Variants in TRAPPC9 observed in about 807,000 individuals in gnomAD.
The protein encoded by TRAPPC9 is trafficking protein particle complex subunit 9.
In TRAPPC9, 83 loss-of-function variants were observed where a neutral mutation model predicts 124.0. That is an observed-to-expected ratio of 0.67 (90% CI 0.56 to 0.80). The LOEUF (loss-of-function observed/expected upper bound fraction) is 0.80, where lower values mean the gene tolerates loss of function less well. Among genes scored for constraint, TRAPPC9 ranks in the 30% least tolerant of loss-of-function variants. TRAPPC9 has a pLI of 0.00. For synonymous variants in TRAPPC9, 638 were observed against 617.5 expected (o/e 1.03, Z -0.49); for missense variants, 1,302 against 1,508.3 (o/e 0.86, Z 2.27).
chr8:140,271,547 T>C (rs1373931671), intron 15 of TRAPPC9, among the ~76,000 whole-genome samples: 1 of 151,354 alleles, frequency 6.6e-6, no homozygotes, highest in Non-Finnish European at 1.5e-5. Context: ...GAAACAGAGA[T>C]AGAGACAGAG....
intron 7 of TRAPPC9, among the ~76,000 whole-genome samples, chr8:140,396,815 T>A (rs2069110212): frequency 6.6e-6 from 1 of 152,126 alleles, no homozygotes; most frequent in Non-Finnish European, 1.5e-5. Context: ...CTAAGTTAAA[T>A]CCTTTTGCCA....
At chr8:139,912,934 G>GA (rs1831844244) in intron 19 of TRAPPC9, among the ~76,000 whole-genome samples, 3 of 152,174 alleles carry the variant, frequency 2.0e-5, no homozygotes, top group Non-Finnish European at 4.4e-5. Context: ...TAAGTTTCAT[G>GA]AAAAAGGCCA....
intron 21 of TRAPPC9, among the ~76,000 whole-genome samples, chr8:139,752,154 T>C (rs1377959670): frequency 6.7e-6 from 1 of 149,066 alleles, no homozygotes; most frequent in Non-Finnish European, 1.5e-5. Context: ...TCCATCTATA[T>C]ACCATCCATC....
intron 21 of TRAPPC9, among the ~76,000 whole-genome samples, chr8:139,751,391 C>T (rs1166223174): frequency 5.3e-5 from 8 of 152,176 alleles, no homozygotes; most frequent in Non-Finnish European, 1.2e-4. Context: ...CCAGATCACC[C>T]CTGCATATCC....
At chr8:139,884,146 G>C (rs192027388) in intron 21 of TRAPPC9, among the ~76,000 whole-genome samples, 1 of 152,220 alleles carries the variant, frequency 6.6e-6, no homozygotes, top group East Asian at 1.9e-4. Flanking sequence ...TCTCTGTCCT[G>C]TGCCTCTCCA....
chr8:140,061,146 C>A (rs900237964), intron 17 of TRAPPC9, among the ~76,000 whole-genome samples: 5 of 152,192 alleles, frequency 3.3e-5, no homozygotes, highest in African/African-American at 1.2e-4. Flanking sequence ...TCTGTAGGCA[C>A]TGGGGAGCCA....
chr8:139,855,617 C>T (rs1303519853), intron 21 of TRAPPC9, among the ~76,000 whole-genome samples: 3 of 152,238 alleles, frequency 2.0e-5, no homozygotes, highest in Admixed American at 6.5e-5. Context: ...CCCCTGTTTA[C>T]GCTCTTCAGG....
In TRAPPC9 at chr8:140,241,434, C is replaced by T. The variant is rs2063853253; in HGVS notation, c.2431+11343G>A. ...AAATTGGGCCAGGCGCGGTGGCACCCGCCTGTAATCCCAGCACTTTGGGAG... is the reference window on the plus strand; with the variant it reads ...AAATTGGGCCAGGCGCGGTGGCACCTGCCTGTAATCCCAGCACTTTGGGAG... On this transcript the variant is annotated intron_variant, in intron 16 of 22. Transcript: ENST00000438773. This position sits in a 1 kb window ranked among gnomAD's most constrained non-coding sequence, Gnocchi z 5.0. Among the ~76,000 whole-genome samples the T allele has an allele frequency of 6.6e-6, 1 of 151,134 alleles. No individual in the cohort carries two copies. The highest frequency in any genetic ancestry group is 2.4e-5 in the African/African-American group (1 of 41,008).
chr8:139,934,445 C>G (rs7824471), intron 19 of TRAPPC9, among the ~76,000 whole-genome samples: 46,062 of 152,092 alleles, frequency 0.3, 8,394 homozygotes, highest in African/African-American at 0.5. Context: ...AATGGAAAAC[C>G]TGGGCTCTTG....
chr8:140,272,150 G>GCGA (rs1345080552), intron 15 of TRAPPC9, among the ~76,000 whole-genome samples: 1 of 62,154 alleles, frequency 1.6e-5, no homozygotes, highest in Non-Finnish European at 3.3e-5. Flanking sequence ...GGTGATGGTG[G>GCGA]TAGCAGTGAT....
intron 19 of TRAPPC9, among the ~76,000 whole-genome samples, chr8:139,950,446 T>C (rs1834562646): frequency 6.6e-6 from 1 of 152,228 alleles, no homozygotes; most frequent in Admixed American, 6.5e-5. Flanking sequence ...CAGAGTGGTA[T>C]TGCTGATTTC....
chr8:140,424,855 G>A (rs551842339), intron 5 of TRAPPC9, among the ~76,000 whole-genome samples: 1 of 152,136 alleles, frequency 6.6e-6, no homozygotes, highest in South Asian at 2.1e-4. Flanking sequence ...TGAGGAAAGC[G>A]GGTAGGAAAA....
intron 17 of TRAPPC9, among the ~76,000 whole-genome samples, chr8:140,034,509 A>C (rs1220293938): frequency 6.6e-6 from 1 of 152,210 alleles, no homozygotes; most frequent in Non-Finnish European, 1.5e-5. Flanking sequence ...ACCACGCTGC[A>C]GCACAAGTGC....
chr8:139,778,665 G>T (rs745409485), intron 21 of TRAPPC9, among the ~76,000 whole-genome samples: 1 of 152,244 alleles, frequency 6.6e-6, no homozygotes, highest in East Asian at 1.9e-4. Context: ...TAACAGATTA[G>T]ACCTTGCAGA....
chr8:140,397,859 G>T (rs779962049), intron 6 of TRAPPC9, 114 bp from the exon 7 acceptor site: 3 of 1,376,930 alleles, frequency 2.2e-6, no homozygotes, highest in Non-Finnish European at 3.1e-6. Context: ...CCCCATCACA[G>T]GGCTCCAGAT....
chr8:140,023,701 T>C (rs1225662078), intron 18 of TRAPPC9, among the ~76,000 whole-genome samples: 2 of 152,224 alleles, frequency 1.3e-5, no homozygotes, highest in African/African-American at 2.4e-5. Context: ...ATCAGCGTTA[T>C]GATTACAGCA....
At chr8:140,431,066 T>C (rs1385493951) in intron 4 of TRAPPC9, among the ~76,000 whole-genome samples, 1 of 152,210 alleles carries the variant, frequency 6.6e-6, no homozygotes, top group Non-Finnish European at 1.5e-5. Context: ...CCCCAACATA[T>C]ACTAATCCAC....
intron 16 of TRAPPC9, among the ~76,000 whole-genome samples, chr8:140,227,665 T>C (rs2063485043): frequency 6.6e-6 from 1 of 152,236 alleles, no homozygotes; most frequent in South Asian, 2.1e-4. Context: ...GCAGAATTTG[T>C]GCAGGGGAAA....
intron 14 of TRAPPC9, 55 bp from the exon 15 acceptor site, chr8:140,275,876 TG>T: frequency 1.4e-5 from 19 of 1,404,728 alleles, no homozygotes; most frequent in Non-Finnish European, 1.9e-5. Flanking sequence ...CAAGGCCATT[TG>T]AAAATTACTC....
Sources: gnomAD v4.1 joint callset for allele counts (sites outside exome capture counted in the v4.1 genomes callset) on GRCh38, gnomAD v4.1.1 for gene constraint, Gnocchi (gnomAD v3.1) non-coding constraint, MANE v1.5 for transcripts, NCBI Gene and HGNC (gene_info 2026-07-23, HGNC 2026-07-21) for gene names.